The following MAPRE1 variants were observed in gnomAD, a reference collection of about 807,000 sequenced individuals.
MAPRE1 encodes microtubule-associated protein RP/EB family member 1.
A neutral mutation model predicts 32.1 loss-of-function variants in MAPRE1; 5 were observed. That is an observed-to-expected ratio of 0.16 (90% CI 0.08 to 0.33). The LOEUF (loss-of-function observed/expected upper bound fraction) is 0.33, where lower values mean the gene tolerates loss of function less well. Among genes scored for constraint, MAPRE1 ranks in the 10% least tolerant of loss-of-function variants. The probability of loss-of-function intolerance (pLI) is 1.00; values close to 1 mark genes in which losing one functional copy is unlikely to be tolerated. For missense variants in MAPRE1, 209 were observed against 327.2 expected (o/e 0.64, Z 2.79); for synonymous variants, 122 against 118.9 (o/e 1.03, Z -0.17).
intron 5 of MAPRE1, among the ~76,000 whole-genome samples, chr20:32,844,258 G>A (rs192763375): frequency 6.3e-4 from 96 of 152,094 alleles, no homozygotes; most frequent in African/African-American, 1.8e-3. Flanking sequence ...TGTTTGTTAT[G>A]TGTGTATAGT....
At position 32,836,812 on chromosome 20, in the gene MAPRE1, C is replaced by T. The variant is rs760030558; in HGVS notation, c.446C>T (p.Pro149Leu). The part of the protein sequence containing the change: ...PSLVAPALNK[P>L]KKPLTSSSAA... ...CTTGTTGCTCCAGCTCTGAATAAAC[C>T]GAAGAAACCTCTCACTTCTAGCAGT... The change falls in exon 4 of 7, where the codon CCG becomes CTG. Residue 149 changes from proline (P) to leucine (L), a missense_variant. Pro to Leu is a moderately conservative substitution (Grantham distance 98, BLOSUM62 -3). Coordinates refer to ENST00000375571, the MANE Select transcript of MAPRE1 (RefSeq NM_012325.3). 3.1e-6 allele frequency: 5 copies of T among 1,611,370 alleles called. No homozygotes were observed. The highest frequency in any genetic ancestry group is 1.3e-5 in the African/African-American group (1 of 74,682).
intron 2 of MAPRE1, among the ~76,000 whole-genome samples, chr20:32,830,461 A>G (rs1982984672): frequency 6.6e-6 from 1 of 152,082 alleles, no homozygotes; most frequent in Non-Finnish European, 1.5e-5. Flanking sequence ...CAGGTACTCC[A>G]TTTGGGGCCA....
intron 4 of MAPRE1, among the ~76,000 whole-genome samples, chr20:32,838,773 C>T (rs938023601): frequency 6.6e-6 from 1 of 152,176 alleles, no homozygotes; most frequent in Non-Finnish European, 1.5e-5. Flanking sequence ...TTGGGATAAA[C>T]GTGCTAGAGA....
chr20:32,848,707 G>A lies in MAPRE1; in HGVS notation c.786G>A (p.Gln262=). 6.2e-7 allele frequency: 1 copy of A among 1,612,876 alleles called. No individual in the cohort carries two copies. Among genetic ancestry groups the A allele is most frequent in the Non-Finnish European group, 8.5e-7 (1 of 1,179,482 alleles). ...GFVIPDEGGP[Q]EEQEEY Reference sequence around the variant, plus strand: ...TGATACCTGATGAAGGGGGCCCACAGGAGGAGCAAGAAGAGTATTAACAGC... The same window carrying A: ...TGATACCTGATGAAGGGGGCCCACAAGAGGAGCAAGAAGAGTATTAACAGC... Residue 262 remains glutamine (Q), a synonymous_variant, in exon 7 of 7, where the codon CAG becomes CAA. Coordinates refer to ENST00000375571, the MANE Select transcript of MAPRE1 (RefSeq NM_012325.3).
Position 32,827,886 on chromosome 20 carries a change from C to A in MAPRE1, c.121+1838C>A, listed in dbSNP as rs534776385. 1.4e-4 allele frequency among the ~76,000 whole-genome samples: 19 copies of A among 138,970 alleles called. No homozygotes were observed. The East Asian group carries it at 4.0e-3, about 29-fold the overall frequency. 91.2% of individuals were successfully genotyped at this position (138,970 alleles called of 152,430 possible). The stretch of plus-strand genomic sequence containing the variant: ...CTCCAGCCTGGGTGACAGAGCGAGG[C>A]TCTGTCTCAAAAAAAAAAAAAATTT... On this transcript the variant is annotated intron_variant, in intron 2 of 6. Transcript: ENST00000375571.
rs193132345 is a variant in MAPRE1, at chr20:32,833,762, T to C, written c.167T>C (p.Ile56Thr). The C allele has an allele frequency of 2.2e-4, 359 of 1,614,032 alleles. 2 individuals are homozygous for C. The highest frequency in any genetic ancestry group is 6.6e-5 in the Non-Finnish European group (78 of 1,179,974). Residue 56 changes from isoleucine (I) to threonine (T), a missense_variant, in exon 3 of 7, where the codon ATT becomes ACT. Transcript: ENST00000375571. ...QFMDMLFPGS[I>T]ALKKVKFQAK... is the part of the protein sequence containing the mutation. ...ATGGACATGCTGTTCCCTGGCTCCA[T>C]TGCCTTGAAGAAAGTGAAATTCCAA...
In MAPRE1 at chr20:32,825,170, GAAAC is replaced by G. The variant is rs1419224503; in HGVS notation, c.-3-743_-3-740del. Among the ~76,000 whole-genome samples the G allele has an allele frequency of 3.9e-3, 575 of 146,660 alleles. 1 individual carries two copies. The highest frequency in any genetic ancestry group is 4.8e-3 in the Non-Finnish European group (319 of 66,582). ...GTCTCAAAAAAAAAAAAAAAAGAAA[GAAAC>G]AAACAAACAAAAAACCATTATCTGA... On this transcript the variant is annotated intron_variant, in intron 1 of 6. Transcript: ENST00000375571.
intron 1 of MAPRE1, among the ~76,000 whole-genome samples, chr20:32,822,484 G>A (rs1982728964): frequency 6.6e-6 from 1 of 152,216 alleles, no homozygotes; most frequent in African/African-American, 2.4e-5. Flanking sequence ...AGATGGTGCT[G>A]GCAGGTCTCA....
chr20:32,839,826 A>T lies in MAPRE1; in HGVS notation c.567A>T (p.Gly189=). The T allele has an allele frequency of 6.2e-7, 1 of 1,614,146 alleles. No individual in the cohort carries two copies. The highest frequency in any genetic ancestry group is 8.5e-7 in the Non-Finnish European group (1 of 1,180,018). Residue 189 remains glycine (G), a synonymous_variant, in exon 5 of 7, where the codon GGA becomes GGT. Transcript: ENST00000375571. Reference sequence around the variant, plus strand: ...GAAAGAACCCTGGTGTGGGCAACGGAGACGACGAGGCAGCTGAGTTGATGC... The same window carrying T: ...GAAAGAACCCTGGTGTGGGCAACGGTGACGACGAGGCAGCTGAGTTGATGC... ...VVRKNPGVGN[G]DDEAAELMQQ...
intron 5 of MAPRE1, 53 bp downstream of exon 5, chr20:32,839,909 C>G (rs551823494): frequency 9.3e-6 from 15 of 1,606,386 alleles, no homozygotes; most frequent in Middle Eastern, 3.3e-4. Context: ...AGGATCCTTG[C>G]GGTGGCCAGG....
At chr20:32,830,966 C>T (rs962095298) in intron 2 of MAPRE1, among the ~76,000 whole-genome samples, 9 of 152,224 alleles carry the variant, frequency 5.9e-5, no homozygotes, top group South Asian at 4.1e-4. Flanking sequence ...CCTCGTGATC[C>T]GCCTGCGTCG....
At chr20:32,823,831 G>A (rs1246995643) in intron 1 of MAPRE1, among the ~76,000 whole-genome samples, 3 of 152,216 alleles carry the variant, frequency 2.0e-5, no homozygotes, top group Non-Finnish European at 4.4e-5. Flanking sequence ...CAGGGCTGCA[G>A]TGAGCCGTGA....
chr20:32,839,229 C>G (rs895942374), intron 4 of MAPRE1, among the ~76,000 whole-genome samples: 3 of 152,182 alleles, frequency 2.0e-5, no homozygotes, highest in African/African-American at 7.2e-5. Flanking sequence ...ACCTAACTTT[C>G]CAGATGGGGA....
At chr20:32,820,211 G>A (rs1982649595) in intron 1 of MAPRE1, among the ~76,000 whole-genome samples, 183 bp downstream of exon 1, 1 of 149,502 alleles carries the variant, frequency 6.7e-6, no homozygotes. Flanking sequence ...CTGGGGGCGC[G>A]CGCTGCGCTC....
At chr20:32,843,104 T>G (rs1983408863) in intron 5 of MAPRE1, 1 of 152,160 alleles carries the variant, frequency 6.6e-6, no homozygotes, top group Admixed American at 6.6e-5. Flanking sequence ...AACCCTGACA[T>G]AGAAGTACTG....
intron 5 of MAPRE1, among the ~76,000 whole-genome samples, chr20:32,840,369 G>A (rs759963953): frequency 4.6e-5 from 7 of 152,002 alleles, no homozygotes; most frequent in Non-Finnish European, 7.4e-5. Context: ...AGGTCTCTGT[G>A]GATCAAAACA....
Position 32,826,044 on chromosome 20 carries a change from C to T in MAPRE1, c.117C>T (p.Cys39=). 6.3e-7 allele frequency: 1 copy of T among 1,594,440 alleles called. No homozygotes were observed. The highest frequency in any genetic ancestry group is 8.6e-7 in the Non-Finnish European group (1 of 1,164,824). ...ATCTGACAAAGATCGAACAGTTGTG[C>T]TCAGGTAAGAGAAATCTGCTGGATC... ...QLNLTKIEQL[C]SGAAYCQFMD... is the part of the protein sequence containing the mutation. The change falls in exon 2 of 7, where the codon TGC becomes TGT. Residue 39 remains cysteine, a synonymous_variant. Transcript: ENST00000375571.
At chr20:32,845,025 ATGTATGT>A (rs869073572) in intron 5 of MAPRE1, among the ~76,000 whole-genome samples, 22 of 151,474 alleles carry the variant, frequency 1.5e-4, no homozygotes, top group Non-Finnish European at 1.8e-4. Context: ...GTATGTATGT[ATGTATGT>A]ATGAATGAAT....
At chr20:32,823,384 C>T (rs1405917742) in intron 1 of MAPRE1, among the ~76,000 whole-genome samples, 1 of 152,044 alleles carries the variant, frequency 6.6e-6, no homozygotes, top group African/African-American at 2.4e-5. Context: ...CTGCCCCTCC[C>T]CACTGGTAAT....
Sources: allele counts gnomAD v4.1 joint callset (sites outside exome capture counted in the v4.1 genomes callset), GRCh38; gene constraint gnomAD v4.1.1; transcripts MANE v1.5; gene names NCBI Gene and HGNC (gene_info 2026-07-23, HGNC 2026-07-21).